The following NCBP3 variants were observed in gnomAD, a reference collection of about 807,000 sequenced individuals.
NCBP3 encodes nuclear cap-binding protein subunit 3.
NCBP3 carries 20 observed loss-of-function variants against 75.7 expected under a neutral mutation model. The ratio of observed to expected loss-of-function variants is 0.26; its 90% CI spans 0.19 to 0.38. The LOEUF (loss-of-function observed/expected upper bound fraction) is 0.38, where lower values mean the gene tolerates loss of function less well. NCBP3 is among the 10% of genes least tolerant of loss of function. The pLI is 1.00. For missense variants in NCBP3, 678 were observed against 796.9 expected, an observed-to-expected ratio of 0.85 and a Z score of 1.80; for synonymous variants, 293 against 290.5, an observed-to-expected ratio of 1.01 and a Z score of -0.09.
At chr17:3,821,887 A>G in intron 8 of NCBP3, 66 bp downstream of exon 8, 1 of 1,025,424 alleles carries the variant, frequency 9.8e-7, no homozygotes, top group South Asian at 1.4e-5. Flanking sequence ...ACATTTCACC[A>G]CGGAATACCA....
intron 9 of NCBP3, among the ~76,000 whole-genome samples, chr17:3,820,877 C>A (rs1424220556): frequency 1.3e-5 from 2 of 151,650 alleles, no homozygotes; most frequent in Non-Finnish European, 2.9e-5. Flanking sequence ...TTGCAGTGAG[C>A]CGAGATCAAG....
chr17:3,844,564 A>G (rs2054125261), intron 1 of NCBP3, among the ~76,000 whole-genome samples: 1 of 152,158 alleles, frequency 6.6e-6, no homozygotes. Context: ...CAATAAATAC[A>G]TGTTGGCCGG....
intron 2 of NCBP3, among the ~76,000 whole-genome samples, chr17:3,842,413 A>T (rs550146749): frequency 6.6e-6 from 1 of 152,252 alleles, no homozygotes; most frequent in African/African-American, 2.4e-5. Flanking sequence ...CAACGGAGCG[A>T]GACTCCACCT....
chr17:3,820,038 G>A (rs1419956096), intron 9 of NCBP3, among the ~76,000 whole-genome samples: 1 of 152,134 alleles, frequency 6.6e-6, no homozygotes, highest in Non-Finnish European at 1.5e-5. Context: ...CTGCAGCCTT[G>A]ACCTTCCAGG....
chr17:3,823,851 C>A (rs948946841), intron 7 of NCBP3: 1 of 152,190 alleles, frequency 6.6e-6, no homozygotes, highest in Non-Finnish European at 1.5e-5. Context: ...TATCCAGGGC[C>A]TCCTGACATG....
At chr17:3,842,741 G>T (rs1327092186) in intron 2 of NCBP3, among the ~76,000 whole-genome samples, 1 of 152,076 alleles carries the variant, frequency 6.6e-6, no homozygotes, top group Non-Finnish European at 1.5e-5. Context: ...AACCTCTCAG[G>T]CTCCAGCGAT....
At chr17:3,822,138 G>T in intron 7 of NCBP3, 86 bp from the exon 8 acceptor site, 1 of 912,362 alleles carries the variant, frequency 1.1e-6, no homozygotes. Flanking sequence ...TTCCATAGCT[G>T]GAATCAGATC....
rs1203258694 is a variant in NCBP3 at position 3,811,158 on chromosome 17, A to G, written c.*1886T>C. On this transcript the variant is annotated 3_prime_UTR_variant, in exon 13 of 13. Transcript: ENST00000389005. Reference sequence around the variant, plus strand: ...AGTAAACCGCCACTGAGATGCACCAACAAAGCCAGGAATTCTGGTAACAGC... The same window carrying G: ...AGTAAACCGCCACTGAGATGCACCAGCAAAGCCAGGAATTCTGGTAACAGC... The G allele has an allele frequency of 6.6e-6, 1 of 152,278 alleles. No homozygotes were observed. The highest frequency in any genetic ancestry group is 1.5e-5 in the Non-Finnish European group (1 of 68,036). The allele number at this position is 152,278 out of a possible 1,614,324, so 9.4% of individuals were successfully genotyped here.
chr17:3,834,172 A>T (rs1177095771), intron 3 of NCBP3, among the ~76,000 whole-genome samples: 2 of 152,232 alleles, frequency 1.3e-5, no homozygotes, highest in African/African-American at 2.4e-5. Flanking sequence ...AGAGAGACGG[A>T]TTACAATGAG....
intron 3 of NCBP3, among the ~76,000 whole-genome samples, chr17:3,839,700 A>C (rs1460916344): frequency 6.6e-6 from 1 of 152,204 alleles, no homozygotes; most frequent in Non-Finnish European, 1.5e-5. Flanking sequence ...CACCAATCTC[A>C]AAATTGCTCT....
rs1184717062 is a variant in NCBP3, at chr17:3,821,487, A to C, written c.897-135T>G. 5 of 654,394 alleles carry C rather than the reference A, an allele frequency of 7.6e-6. No individual in the cohort carries two copies. In the Admixed American group the frequency reaches 1.3e-4, roughly 17 times the overall value. The allele number at this position is 654,394 out of a possible 1,614,324, so 40.5% of individuals were successfully genotyped here. On this transcript the variant is annotated intron_variant, in intron 8 of 12. Coordinates refer to ENST00000389005, the MANE Select transcript of NCBP3 (RefSeq NM_001114118.3). ...TCCCAGGCTGAAGTGCAATGGCACC[A>C]TCTCAGCTCACTGCAACCTTTGCCT...
intron 3 of NCBP3, among the ~76,000 whole-genome samples, chr17:3,830,033 T>TACATATGTAAAA (rs1327256210): frequency 4.6e-5 from 7 of 152,176 alleles, no homozygotes; most frequent in Non-Finnish European, 1.0e-4. Context: ...CTCTGGTCCT[T>TACATATGTAAAA]GAATCGAGAT....
At chr17:3,834,225 C>T (rs2053936274) in intron 3 of NCBP3, among the ~76,000 whole-genome samples, 1 of 152,096 alleles carries the variant, frequency 6.6e-6, no homozygotes, top group South Asian at 2.1e-4. Context: ...TACACAGTAA[C>T]ATGGAAATGC....
At chr17:3,819,611 A>G (rs188709212) in intron 9 of NCBP3, among the ~76,000 whole-genome samples, 1 of 152,262 alleles carries the variant, frequency 6.6e-6, no homozygotes, top group Non-Finnish European at 1.5e-5. Flanking sequence ...CATATTGATC[A>G]ACTGACAAAA....
chr17:3,818,192 G>C lies in NCBP3; in HGVS notation c.1310+71C>G. The C allele has an allele frequency of 8.8e-7, 1 of 1,135,734 alleles. No homozygotes were observed. Among genetic ancestry groups the C allele is most frequent in the East Asian group, 2.5e-5 (1 of 39,338 alleles). 70.4% of individuals were successfully genotyped at this position (1,135,734 alleles called of 1,614,324 possible). A position where few individuals can be genotyped will look rare whatever the true frequency, so the allele number is the denominator to read the frequency against. On this transcript the variant is annotated intron_variant, in intron 10 of 12. Transcript: ENST00000389005. The surrounding 1 kb of genome is among the most constrained non-coding windows in gnomAD (Gnocchi z 4.7). ...ATAGATAAAAGATATTATAAAATTA[G>C]GAGGAATTAAGAAGTTATACTAGTA... is the stretch of plus-strand genomic sequence containing the variant.
Position 3,818,178 on chromosome 17 carries a change from ATAT to A in NCBP3, c.1310+82_1310+84del. 9.5e-7 allele frequency: 1 copy of A among 1,053,514 alleles called. No individual in the cohort carries two copies. The highest frequency in any genetic ancestry group is 1.3e-6 in the Non-Finnish European group (1 of 742,432). The allele number at this position is 1,053,514 out of a possible 1,614,324, so 65.3% of individuals were successfully genotyped here. ...GGACTGAAATCAGAATAGATAAAAG[ATAT>A]TATAAAATTAGGAGGAATTAAGAAG... On this transcript the variant is annotated intron_variant, in intron 10 of 12. Coordinates refer to ENST00000389005, the MANE Select transcript of NCBP3 (RefSeq NM_001114118.3). The surrounding 1 kb of genome is among the most constrained non-coding windows in gnomAD (Gnocchi z 4.7).
At position 3,832,418 on chromosome 17, in the gene NCBP3, G is replaced by A. The variant is rs1334004295; in HGVS notation, c.356-3050C>T. Among the ~76,000 whole-genome samples, 2 of 117,638 alleles carry A rather than the reference G, an allele frequency of 1.7e-5. 1 individual carries two copies. The highest frequency in any genetic ancestry group is 6.6e-4 in the East Asian group (2 of 3,008). The allele number at this position is 117,638 out of a possible 152,430, so 77.2% of individuals were successfully genotyped here. On this transcript the variant is annotated intron_variant, in intron 3 of 12. Transcript: ENST00000389005. The stretch of plus-strand genomic sequence containing the variant: ...GGAGGCCGGGGCGGGCAGATCACAA[G>A]GTCAGATCGAGACCATCCTGGCCAA...
intron 7 of NCBP3, 60 bp downstream of exon 7, chr17:3,824,882 T>C (rs2053755322): frequency 2.2e-6 from 2 of 896,528 alleles, no homozygotes; most frequent in South Asian, 1.8e-5. Context: ...AAGAAGGATG[T>C]CACTCCATAA....
At position 3,812,715 on chromosome 17, in the gene NCBP3, A is replaced by C; in HGVS notation, c.*329T>G. 1 of 1,151,996 alleles carries C rather than the reference A, an allele frequency of 8.7e-7. No individual in the cohort carries two copies. 71.4% of individuals were successfully genotyped at this position (1,151,996 alleles called of 1,614,324 possible). On this transcript the variant is annotated 3_prime_UTR_variant, in exon 13 of 13. Coordinates refer to ENST00000389005, the MANE Select transcript of NCBP3 (RefSeq NM_001114118.3). ...CTCTGCTCTTTGGATGAACTGTGTAAAACATTTCTTTTAAAAGACACAATG... is the reference window on the plus strand; with the variant it reads ...CTCTGCTCTTTGGATGAACTGTGTACAACATTTCTTTTAAAAGACACAATG...
Sources: gnomAD v4.1 joint callset for allele counts (sites outside exome capture counted in the v4.1 genomes callset) on GRCh38, gnomAD v4.1.1 for gene constraint, Gnocchi (gnomAD v3.1) non-coding constraint, MANE v1.5 for transcripts, NCBI Gene and HGNC (gene_info 2026-07-23, HGNC 2026-07-21) for gene names.